The following PDIA6 variants were observed in gnomAD, a reference collection of about 807,000 sequenced individuals.
PDIA6 encodes protein disulfide isomerase family A member 6.
Under a neutral mutation model 58.4 loss-of-function variants are expected in PDIA6, and 29 were observed. The ratio of observed to expected loss-of-function variants is 0.50; its 90% CI spans 0.37 to 0.68. PDIA6 has a LOEUF of 0.68. Ranked by LOEUF, PDIA6 falls within the 30% of genes least tolerant of loss-of-function variation. The pLI is 0.00. For synonymous variants in PDIA6, 192 were observed against 202.6 expected, an observed-to-expected ratio of 0.95 and a Z score of 0.44; for missense variants, 480 against 551.0, an observed-to-expected ratio of 0.87 and a Z score of 1.29.
At chr2:10,788,065 CAAA>C (rs565180851) in intron 10 of PDIA6, among the ~76,000 whole-genome samples, 4 of 102,154 alleles carry the variant, frequency 3.9e-5, no homozygotes, top group African/African-American at 3.9e-5. Context: ...GACTCTGTCT[CAAA>C]AAAAAAAAAA....
chr2:10,818,760 T>A (rs528638967), intron 2 of PDIA6, among the ~76,000 whole-genome samples: 1 of 151,884 alleles, frequency 6.6e-6, no homozygotes, highest in Non-Finnish European at 1.5e-5. Flanking sequence ...TGACCTCAGG[T>A]GATCCACCCA....
intron 1 of PDIA6, among the ~76,000 whole-genome samples, chr2:10,812,353 C>CTG (rs762684310): frequency 0.078 from 11,873 of 152,016 alleles, 613 homozygotes; most frequent in South Asian, 0.14. Context: ...TCCGGGAATA[C>CTG]AGACCCCCTC....
intron 8 of PDIA6, 35 bp from the exon 9 acceptor site, chr2:10,789,016 G>C (rs368128563): frequency 1.3e-6 from 2 of 1,500,532 alleles, no homozygotes; most frequent in African/African-American, 2.8e-5. Flanking sequence ...CAATCAGGAG[G>C]CTGCATGATA....
chr2:10,805,971 T>G (rs566566037), intron 1 of PDIA6, among the ~76,000 whole-genome samples: 1 of 60,180 alleles, frequency 1.7e-5, no homozygotes, highest in African/African-American at 4.1e-5. Context: ...GATGAGGAGT[T>G]AGTGGGTGCA....
At chr2:10,819,390 G>A (rs1667317404) in intron 1 of PDIA6, 2 of 1,236,102 alleles carry the variant, frequency 1.6e-6, no homozygotes, top group African/African-American at 1.5e-5. Flanking sequence ...GAGTGAGGTG[G>A]GGATGGGGAA....
chr2:10,837,139 C>A (rs960478973), upstream of PDIA6, among the ~76,000 whole-genome samples: 1 of 152,264 alleles, frequency 6.6e-6, no homozygotes, highest in Admixed American at 6.5e-5. Flanking sequence ...TCTGTCCCTG[C>A]CTCTGTTCTC....
rs953812215 is a variant in PDIA6 at position 10,807,270 on chromosome 2, G to A, written c.20-4630C>T. Among the ~76,000 whole-genome samples the A allele has an allele frequency of 2.0e-5, 3 of 152,186 alleles. No individual in the cohort carries two copies. In the South Asian group the frequency reaches 6.2e-4, roughly 31 times the overall value. On this transcript the variant is annotated intron_variant, in intron 1 of 12. Coordinates refer to ENST00000272227, the MANE Select transcript of PDIA6 (RefSeq NM_005742.4). ...GTCACCCAGACTGGAGTGCAATGGT[G>A]CAAACACAGCTCCCTGCAGCAGCCC...
chr2:10,832,992 G>T (rs1008719345), upstream of PDIA6, among the ~76,000 whole-genome samples: 1 of 152,074 alleles, frequency 6.6e-6, no homozygotes, highest in Non-Finnish European at 1.5e-5. Context: ...GCCCTCTGGG[G>T]TCACTCTCCT....
intron 1 of PDIA6, among the ~76,000 whole-genome samples, chr2:10,826,989 C>T (rs564036720): frequency 6.6e-6 from 1 of 152,344 alleles, no homozygotes; most frequent in Non-Finnish European, 1.5e-5. Context: ...TCTGAAGTGA[C>T]AGTGCCCCCG....
At chr2:10,806,766 C>A (rs1048493060) in intron 1 of PDIA6, among the ~76,000 whole-genome samples, 4 of 151,966 alleles carry the variant, frequency 2.6e-5, no homozygotes, top group African/African-American at 9.7e-5. Flanking sequence ...CTATTTTAAT[C>A]TTTTATATCA....
At chr2:10,834,723 CTTCCTT>C (rs1667789377), upstream of PDIA6, among the ~76,000 whole-genome samples, 30 of 50,612 alleles carry the variant, frequency 5.9e-4, no homozygotes, top group South Asian at 1.3e-3. Context: ...CCCTCCCTCC[CTTCCTT>C]CCCTCCTTCC....
At chr2:10,828,830 A>G (rs759935575) in intron 1 of PDIA6, among the ~76,000 whole-genome samples, 3 of 152,222 alleles carry the variant, frequency 2.0e-5, no homozygotes, top group Admixed American at 6.5e-5. Context: ...TCACAAGTGC[A>G]TGGATGTGTT....
chr2:10,788,119 GC>G (rs1665867250), intron 10 of PDIA6, among the ~76,000 whole-genome samples: 1 of 150,430 alleles, frequency 6.6e-6, no homozygotes, highest in South Asian at 2.1e-4. Flanking sequence ...TTGAAAATGT[GC>G]CTAGATCCAG....
At chr2:10,784,584 G>A (rs188477336) in intron 12 of PDIA6, 7 of 525,398 alleles carry the variant, frequency 1.3e-5, no homozygotes, top group African/African-American at 9.5e-5. Context: ...TTTGAGGAGG[G>A]TGGGACACAA....
At chr2:10,831,869 T>C (rs1667718671) in intron 1 of PDIA6, among the ~76,000 whole-genome samples, 1 of 151,670 alleles carries the variant, frequency 6.6e-6, no homozygotes, top group Non-Finnish European at 1.5e-5. Context: ...GTGAATGTCC[T>C]CTCCTTCCTC....
At chr2:10,792,417 C>G (rs1369771167) in intron 5 of PDIA6, among the ~76,000 whole-genome samples, 2 of 152,180 alleles carry the variant, frequency 1.3e-5, no homozygotes, top group African/African-American at 4.8e-5. Flanking sequence ...TGTTGCCAGG[C>G]AGGGTGCAGG....
Position 10,787,380 on chromosome 2 carries a change from C to T in PDIA6, c.1058G>A (p.Gly353Glu). The stretch of plus-strand genomic sequence containing the variant: ...GGCGGCCATGGCGGGGTACCCAAAC[C>T]CTCCAATCCCCAACGCGGTCTCAAG... ...SELETALGIGGFGYPAMAAIN... is the reference protein window; with the variant it reads ...SELETALGIGEFGYPAMAAIN... The change falls in exon 11 of 13, where the codon GGG becomes GAG. Residue 353 changes from glycine (G) to glutamate (E), a missense_variant. Physicochemically the swap from Gly to Glu is moderately conservative, Grantham distance 98. Coordinates refer to ENST00000272227, the MANE Select transcript of PDIA6 (RefSeq NM_005742.4). 1 of 1,614,070 alleles carries T rather than the reference C, an allele frequency of 6.2e-7. No homozygotes were observed. Among genetic ancestry groups the T allele is most frequent in the Non-Finnish European group, 8.5e-7 (1 of 1,180,016 alleles).
intron 11 of PDIA6, among the ~76,000 whole-genome samples, chr2:10,786,716 T>C (rs944699408): frequency 6.6e-6 from 1 of 152,176 alleles, no homozygotes; most frequent in Non-Finnish European, 1.5e-5. Flanking sequence ...GAATGGGAAA[T>C]AAAACCTCTT....
chr2:10,790,888 T>A (rs1169649764), intron 6 of PDIA6, 55 bp from the exon 7 acceptor site: 15 of 1,330,798 alleles, frequency 1.1e-5, no homozygotes, highest in Non-Finnish European at 1.6e-5. Context: ...CTCTCTCTGT[T>A]GCCCAGGCTG....
Sources: gnomAD v4.1 joint callset for allele counts (sites outside exome capture counted in the v4.1 genomes callset) on GRCh38, gnomAD v4.1.1 for gene constraint, MANE v1.5 for transcripts, NCBI Gene and HGNC (gene_info 2026-07-23, HGNC 2026-07-21) for gene names.